Variants in WWC1 observed in about 807,000 individuals in gnomAD.
The protein encoded by WWC1 is protein KIBRA.
A neutral mutation model predicts 138.4 loss-of-function variants in WWC1; 55 were observed. The ratio of observed to expected loss-of-function variants is 0.40; its 90% confidence interval spans 0.32 to 0.50. The LOEUF (loss-of-function observed/expected upper bound fraction) is 0.50. Among genes scored for constraint, WWC1 ranks in the 20% least tolerant of loss-of-function variants. WWC1 has a pLI of 0.72. For missense variants in WWC1, 1,226 were observed against 1,420.4 expected (o/e 0.86, Z 2.20); for synonymous variants, 524 against 564.9 (o/e 0.93, Z 1.03).
At chr5:168,379,430 A>C (rs1179974935) in intron 2 of WWC1, among the ~76,000 whole-genome samples, 1 of 151,664 alleles carries the variant, frequency 6.6e-6, no homozygotes, top group Non-Finnish European at 1.5e-5. Flanking sequence ...ACGGAGTTTC[A>C]CTCTTGTCAC....
At chr5:168,337,527 C>T (rs1773593781) in intron 1 of WWC1, among the ~76,000 whole-genome samples, 1 of 152,142 alleles carries the variant, frequency 6.6e-6, no homozygotes, top group Admixed American at 6.5e-5. Flanking sequence ...ATCATCCTGC[C>T]CAAAATGTCA....
Position 168,369,554 on chromosome 5 carries a change from C to A in WWC1, c.120-1870C>A, listed in dbSNP as rs188284514. ...AGTAGCTGGGACTACAGGTGTGTAC[C>A]ACCATACCCGGCTAATTTAGCACAT... is the stretch of plus-strand genomic sequence containing the variant. On this transcript the variant is annotated intron_variant, in intron 1 of 22. Transcript: ENST00000265293. 1.6e-4 allele frequency among the ~76,000 whole-genome samples: 24 copies of A among 152,256 alleles called. No homozygotes were observed. In the East Asian group the frequency reaches 4.6e-3, roughly 29 times the overall value.
rs569461948 is a variant in WWC1 at position 168,417,933 on chromosome 5, G to C, written c.1184+3343G>C. Reference sequence around the variant, plus strand: ...CCCAGCTGTCTTTGTGTCTGCAGCTGTTTCCTTCCAGCTCCATGTCAGTCT... The same window carrying C: ...CCCAGCTGTCTTTGTGTCTGCAGCTCTTTCCTTCCAGCTCCATGTCAGTCT... On this transcript the variant is annotated intron_variant, in intron 9 of 22. Coordinates refer to ENST00000265293, the MANE Select transcript of WWC1 (RefSeq NM_015238.3). 7.9e-5 allele frequency among the ~76,000 whole-genome samples: 12 copies of C among 152,278 alleles called. No individual in the cohort carries two copies. The South Asian group carries it at 2.5e-3, about 32-fold the overall frequency.
intron 13 of WWC1, 115 bp from the exon 14 acceptor site, chr5:168,430,022 C>A: frequency 1.4e-6 from 1 of 739,980 alleles, no homozygotes; most frequent in South Asian, 1.7e-5. Flanking sequence ...CTCTAGAGCT[C>A]ACCATAGGCC....
At chr5:168,356,335 A>C (rs1417924856) in intron 1 of WWC1, among the ~76,000 whole-genome samples, 1 of 152,232 alleles carries the variant, frequency 6.6e-6, no homozygotes, top group African/African-American at 2.4e-5. Flanking sequence ...CATGGAGGCA[A>C]GGTGTCTGGC....
chr5:168,441,941 A>C (rs1231475058), intron 16 of WWC1, 107 bp downstream of exon 16: 37 of 1,441,574 alleles, frequency 2.6e-5, no homozygotes, highest in Non-Finnish European at 3.3e-5. Context: ...AGAGGAGAAC[A>C]ATGGGGTGGA....
intron 1 of WWC1, among the ~76,000 whole-genome samples, chr5:168,309,088 G>T (rs1581877532): frequency 1.3e-5 from 2 of 152,204 alleles, no homozygotes. Flanking sequence ...CCACACAGTG[G>T]TATCCTCCTT....
chr5:168,408,732 T>C (rs1780002706), intron 7 of WWC1, 79 bp downstream of exon 7: 1 of 1,570,934 alleles, frequency 6.4e-7, no homozygotes, highest in African/African-American at 1.3e-5. Flanking sequence ...AGCTGCCTTC[T>C]CATGGCTCAC....
intron 4 of WWC1, 57 bp downstream of exon 4, chr5:168,397,857 C>A: frequency 6.3e-7 from 1 of 1,582,318 alleles, no homozygotes; most frequent in Non-Finnish European, 8.7e-7. Context: ...AGGTCTTAGG[C>A]CACAAGCCCA....
intron 1 of WWC1, among the ~76,000 whole-genome samples, chr5:168,296,304 A>G (rs947183629): frequency 6.6e-6 from 1 of 152,166 alleles, no homozygotes; most frequent in African/African-American, 2.4e-5. Context: ...GGAGGCACAC[A>G]TGGCTGGAGA....
intron 15 of WWC1, among the ~76,000 whole-genome samples, chr5:168,432,065 A>T (rs1781996183): frequency 6.7e-6 from 1 of 148,858 alleles, no homozygotes; most frequent in Non-Finnish European, 1.5e-5. Context: ...AAAAAAAAAA[A>T]AGCACAGAGT....
chr5:168,292,197 G>A lies in WWC1; in HGVS notation c.45G>A (p.Ala15=), dbSNP rs1221126189. ...CCCTGCCGGAGGGCTGGGAGGAGGC[G>A]CGCGACTTCGACGGCAAGGTCTACT... ...ELPLPEGWEE[A]RDFDGKVYYI... The change falls in exon 1 of 23, where the codon GCG becomes GCA. Residue 15 remains alanine, a synonymous_variant. Transcript: ENST00000265293. The surrounding 1 kb of genome is among the most constrained non-coding windows in gnomAD (Gnocchi z 4.4). 1 of 1,556,468 alleles carries A rather than the reference G, an allele frequency of 6.4e-7. No individual in the cohort carries two copies. Among genetic ancestry groups the A allele is most frequent in the Non-Finnish European group, 8.7e-7 (1 of 1,150,568 alleles).
intron 3 of WWC1, among the ~76,000 whole-genome samples, chr5:168,391,994 A>G (rs1044020379): frequency 2.0e-5 from 3 of 151,984 alleles, no homozygotes; most frequent in Non-Finnish European, 4.4e-5. Context: ...AGTAAGACTG[A>G]AGGGAAGAGG....
At chr5:168,305,932 C>T (rs959237483) in intron 1 of WWC1, among the ~76,000 whole-genome samples, 2 of 152,184 alleles carry the variant, frequency 1.3e-5, no homozygotes, top group African/African-American at 4.8e-5. Context: ...ATCTGCCTTC[C>T]TTACAAACAT....
intron 1 of WWC1, among the ~76,000 whole-genome samples, chr5:168,305,116 G>C (rs992531032): frequency 1.4e-5 from 2 of 146,634 alleles, no homozygotes; most frequent in African/African-American, 5.1e-5. Flanking sequence ...GAGCCACTGT[G>C]CCTGGCCCAG....
chr5:168,320,731 A>G (rs946456137), intron 1 of WWC1, among the ~76,000 whole-genome samples: 2 of 152,034 alleles, frequency 1.3e-5, no homozygotes, highest in African/African-American at 2.4e-5. Context: ...AGGCCTTGGG[A>G]GGCTGAAATG....
intron 8 of WWC1, 23 bp downstream of exon 8, chr5:168,410,018 C>T (rs202091477): frequency 1.7e-5 from 27 of 1,611,372 alleles, no homozygotes; most frequent in East Asian, 1.6e-4. Context: ...GGGCTAGGGG[C>T]GGGATGGTTC....
chr5:168,337,351 G>GA (rs386405609), intron 1 of WWC1, among the ~76,000 whole-genome samples: 5 of 151,226 alleles, frequency 3.3e-5, no homozygotes, highest in African/African-American at 1.2e-4. Context: ...GTGTAACTAG[G>GA]AAGGTTTTGA....
chr5:168,344,239 T>TA (rs1774280317), intron 1 of WWC1, among the ~76,000 whole-genome samples: 1 of 152,224 alleles, frequency 6.6e-6, no homozygotes, highest in African/African-American at 2.4e-5. Context: ...AGATAGCTTC[T>TA]AAAAAGAATT....
Sources: allele counts gnomAD v4.1 joint callset (sites outside exome capture counted in the v4.1 genomes callset), GRCh38; gene constraint gnomAD v4.1.1; non-coding constraint Gnocchi (gnomAD v3.1); transcripts MANE v1.5; gene names NCBI Gene and HGNC (gene_info 2026-07-23, HGNC 2026-07-21).